Variants in TNFSF13B observed in about 807,000 individuals in gnomAD.
TNFSF13B encodes tumor necrosis factor ligand superfamily member 13B.
In TNFSF13B, 8 loss-of-function variants were observed where a neutral mutation model predicts 29.1. That is an observed-to-expected ratio of 0.27 (90% CI 0.16 to 0.50). The LOEUF is 0.50. Among genes scored for constraint, TNFSF13B ranks in the 20% least tolerant of loss-of-function variants. TNFSF13B has a pLI of 0.98. For synonymous variants in TNFSF13B, 125 were observed against 130.8 expected (o/e 0.96, Z 0.30); for missense variants, 248 against 334.9 (o/e 0.74, Z 2.03).
chr13:108,297,022 C>T (rs1161470821), intron 3 of TNFSF13B, among the ~76,000 whole-genome samples: 1 of 145,442 alleles, frequency 6.9e-6, no homozygotes, highest in African/African-American at 2.6e-5. Flanking sequence ...TTATATTTGC[C>T]TATGTATGTA....
In TNFSF13B at chr13:108,298,131, A is replaced by AT. The variant is rs1164527559; in HGVS notation, c.482-5121dup. Among the ~76,000 whole-genome samples, 2 of 145,342 alleles carry AT rather than the reference A, an allele frequency of 1.4e-5. 1 individual carries two copies. The highest frequency in any genetic ancestry group is 5.2e-5 in the African/African-American group (2 of 38,616). ...TAGCAATTTAAGTTTCCTTCATGAT[A>AT]TATCAGTGTAGGTTTATCAATTGTA... On this transcript the variant is annotated intron_variant, in intron 3 of 5. Coordinates refer to ENST00000375887, the MANE Select transcript of TNFSF13B (RefSeq NM_006573.5).
At chr13:108,271,444 T>TCACA (rs59438208) in intron 2 of TNFSF13B, among the ~76,000 whole-genome samples, 4,270 of 142,926 alleles carry the variant, frequency 0.03, 63 homozygotes, top group Non-Finnish European at 0.035. Context: ...GACCCTTCTA[T>TCACA]CACACACACA....
intron 5 of TNFSF13B, among the ~76,000 whole-genome samples, chr13:108,305,721 A>T (rs555520330): frequency 6.6e-6 from 1 of 152,212 alleles, no homozygotes; most frequent in African/African-American, 2.4e-5. Flanking sequence ...TTTGCCCATT[A>T]CAAAAAAGCA....
intron 3 of TNFSF13B, among the ~76,000 whole-genome samples, chr13:108,300,497 CAAT>C (rs1296533963): frequency 6.6e-6 from 1 of 152,110 alleles, no homozygotes; most frequent in Non-Finnish European, 1.5e-5. Context: ...TTGTGTTTTA[CAAT>C]AATGACAGTA....
In TNFSF13B at chr13:108,304,525, T is replaced by A. The variant is rs1366247253; in HGVS notation, c.745+921T>A. On this transcript the variant is annotated intron_variant, in intron 5 of 5. Transcript: ENST00000375887. Reference sequence around the variant, plus strand: ...CTGTAATTGCCAACATTTCCTTCATTTTATTTTTCAAGGGTGATTTAAAAT... The same window carrying A: ...CTGTAATTGCCAACATTTCCTTCATATTATTTTTCAAGGGTGATTTAAAAT... 3.3e-5 allele frequency among the ~76,000 whole-genome samples: 5 copies of A among 152,256 alleles called. No individual in the cohort carries two copies. The East Asian group carries it at 9.7e-4, about 29-fold the overall frequency.
intron 3 of TNFSF13B, chr13:108,302,735 G>C: frequency 1.3e-6 from 1 of 790,486 alleles, no homozygotes; most frequent in Non-Finnish European, 1.5e-6. Context: ...ACCGTTCTTA[G>C]TAAAGGTTGT....
chr13:108,284,359 T>TAAACAAACAAACAAAC (rs774747009), intron 2 of TNFSF13B, among the ~76,000 whole-genome samples: 1 of 94,140 alleles, frequency 1.1e-5, no homozygotes, highest in African/African-American at 3.1e-5. Flanking sequence ...AATAAATGAA[T>TAAACAAACAAACAAAC]AAATAAACAA....
rs1453135450 is a variant in TNFSF13B at position 108,296,266 on chromosome 13, G to C, written c.482-6987G>C. ...CAGCCAATATCTGCTTATATCTTGA[G>C]GTTCTGTTGAGTGATGTTTATAATT... On this transcript the variant is annotated intron_variant, in intron 3 of 5. Transcript: ENST00000375887. 1.4e-5 allele frequency among the ~76,000 whole-genome samples: 2 copies of C among 145,382 alleles called. 1 individual carries two copies. The highest frequency in any genetic ancestry group is 5.2e-5 in the African/African-American group (2 of 38,728).
intron 5 of TNFSF13B, among the ~76,000 whole-genome samples, chr13:108,303,876 A>G (rs1040538896): frequency 1.3e-5 from 2 of 152,196 alleles, no homozygotes; most frequent in African/African-American, 4.8e-5. Context: ...TACATAATAC[A>G]TGGTACATAG....
intron 2 of TNFSF13B, among the ~76,000 whole-genome samples, chr13:108,279,180 G>T (rs1027258097): frequency 2.0e-5 from 3 of 152,038 alleles, no homozygotes; most frequent in African/African-American, 7.2e-5. Flanking sequence ...TATGTAAATT[G>T]TTTCATATAT....
chr13:108,271,827 A>G (rs887398275), intron 2 of TNFSF13B, among the ~76,000 whole-genome samples: 2 of 152,214 alleles, frequency 1.3e-5, no homozygotes, highest in Non-Finnish European at 2.9e-5. Context: ...GTATTAATTT[A>G]TCTAACAATT....
chr13:108,291,854 A>G (rs1355465933), intron 3 of TNFSF13B, among the ~76,000 whole-genome samples: 1 of 152,014 alleles, frequency 6.6e-6, no homozygotes, highest in Non-Finnish European at 1.5e-5. Context: ...TTAACAAAAG[A>G]GTTTCTATTT....
chr13:108,304,384 G>C (rs1696006387), intron 5 of TNFSF13B, among the ~76,000 whole-genome samples: 1 of 152,180 alleles, frequency 6.6e-6, no homozygotes, highest in African/African-American at 2.4e-5. Context: ...TGTGTCAGTG[G>C]ACACCAGACA....
chr13:108,303,428 A>G (rs781435309), intron 4 of TNFSF13B, 26 bp from the exon 5 acceptor site: 1 of 1,609,880 alleles, frequency 6.2e-7, no homozygotes, highest in Non-Finnish European at 8.5e-7. Flanking sequence ...TTCATTTCTG[A>G]CACAGTTTTT....
At chr13:108,298,004 A>AT (rs1881502597) in intron 3 of TNFSF13B, among the ~76,000 whole-genome samples, 3 of 146,156 alleles carry the variant, frequency 2.1e-5, no homozygotes, top group African/African-American at 7.7e-5. Context: ...TGGAAATGGC[A>AT]TTTTTTAAAT....
At chr13:108,302,674 C>A in intron 3 of TNFSF13B, 1 of 271,312 alleles carries the variant, frequency 3.7e-6, no homozygotes, top group Non-Finnish European at 5.6e-6. Context: ...CTGAACTGAA[C>A]AGAAGCCATT....
chr13:108,303,227 CT>C, intron 3 of TNFSF13B, 25 bp from the exon 4 acceptor site: 1 of 1,523,504 alleles, frequency 6.6e-7, no homozygotes, highest in Non-Finnish European at 8.9e-7. Context: ...GGTTTCTTTC[CT>C]TATAAATGAT....
chr13:108,273,506 A>G (rs1880677040), intron 2 of TNFSF13B, among the ~76,000 whole-genome samples: 1 of 152,200 alleles, frequency 6.6e-6, no homozygotes, highest in African/African-American at 2.4e-5. Context: ...AAACATAAAC[A>G]TGCAGTATTA....
At chr13:108,289,634 T>TA (rs1881249669) in intron 3 of TNFSF13B, among the ~76,000 whole-genome samples, 2 of 147,678 alleles carry the variant, frequency 1.4e-5, no homozygotes, top group East Asian at 2.0e-4. Context: ...GGGAAAGAAT[T>TA]TATATATATA....
Sources: allele counts gnomAD v4.1 joint callset (sites outside exome capture counted in the v4.1 genomes callset), GRCh38; gene constraint gnomAD v4.1.1; transcripts MANE v1.5; gene names NCBI Gene and HGNC (gene_info 2026-07-23, HGNC 2026-07-21).